The following FAM78B variants were observed in gnomAD, a reference collection of about 807,000 sequenced individuals.
The protein encoded by FAM78B is protein FAM78B.
In FAM78B, 10 loss-of-function variants were observed where a neutral mutation model predicts 20.0. The observed-to-expected ratio is 0.50, with a 90% CI of 0.31 to 0.85. FAM78B has a LOEUF of 0.85. Among genes scored for constraint, FAM78B ranks in the 40% least tolerant of loss-of-function variants. The pLI, the probability that FAM78B is intolerant of heterozygous loss-of-function variation, is 0.05. For synonymous variants in FAM78B, 135 were observed against 132.8 expected, an observed-to-expected ratio of 1.02 and a Z score of -0.12; for missense variants, 283 against 345.0, an observed-to-expected ratio of 0.82 and a Z score of 1.42.
Position 166,138,054 on chromosome 1 carries a change from C to G in FAM78B, c.263+27932G>C, listed in dbSNP as rs73041280. Reference sequence around the variant, plus strand: ...CCCTCCTTCCTGCTCTCACAGTGGGCATCCCACTAGTCAATGAGTATGAAC... The same window carrying G: ...CCCTCCTTCCTGCTCTCACAGTGGGGATCCCACTAGTCAATGAGTATGAAC... On this transcript the variant is annotated intron_variant, in intron 1 of 1. Coordinates refer to ENST00000354422, the MANE Select transcript of FAM78B (RefSeq NM_001017961.5). Among the ~76,000 whole-genome samples the G allele has an allele frequency of 9.0e-3, 1,373 of 152,328 alleles. 17 individuals are homozygous for G. The highest frequency in any genetic ancestry group is 0.032 in the African/African-American group (1,320 of 41,558).
At chr1:166,162,070 G>A (rs1656167235) in intron 1 of FAM78B, among the ~76,000 whole-genome samples, 1 of 152,216 alleles carries the variant, frequency 6.6e-6, no homozygotes. Context: ...GAAGTTAAAA[G>A]ATGGGAGCAG....
In FAM78B at chr1:166,069,309, A is replaced by G. The variant is rs1361742764; in HGVS notation, c.*932T>C. Among the ~76,000 whole-genome samples the G allele has an allele frequency of 6.6e-6, 1 of 152,192 alleles. No individual in the cohort carries two copies. On this transcript the variant is annotated 3_prime_UTR_variant, in exon 2 of 2. Coordinates refer to ENST00000354422, the MANE Select transcript of FAM78B (RefSeq NM_001017961.5). ...GAAACTCAAAAGAAACAGAATGAAA[A>G]TGCTGTTCTTATTTGCTGAAATGTT... is the stretch of plus-strand genomic sequence containing the variant.
Position 166,166,170 on chromosome 1 carries a change from T to C in FAM78B, c.79A>G (p.Ile27Val). 1 of 1,602,374 alleles carries C rather than the reference T, an allele frequency of 6.2e-7. No individual in the cohort carries two copies. The highest frequency in any genetic ancestry group is 1.7e-4 in the Middle Eastern group (1 of 6,046). ...TCGATGCGCGTGGGGCACTGGTCGA[T>C]GGTGGCGCACACATCGTACACCACG... Reference protein sequence around the residue: ...NIVVYDVCATIDQCPTRIEET... With the variant: ...NIVVYDVCATVDQCPTRIEET... Residue 27 changes from isoleucine to valine, a missense_variant, in exon 1 of 2, where the codon ATC becomes GTC. Physicochemically the swap from Ile to Val is conservative, Grantham distance 29. Coordinates refer to ENST00000354422, the MANE Select transcript of FAM78B (RefSeq NM_001017961.5).
In FAM78B at chr1:166,162,975, C is replaced by T. The variant is rs568184929; in HGVS notation, c.263+3011G>A. The stretch of plus-strand genomic sequence containing the variant: ...CCTCTAGAACACCCTGCTTGGCCCG[C>T]CAGCGCTCTCAGGCATTTCTTCCAC... On this transcript the variant is annotated intron_variant, in intron 1 of 1. Transcript: ENST00000354422. 1.8e-4 allele frequency among the ~76,000 whole-genome samples: 27 copies of T among 152,288 alleles called. 1 individual carries two copies. In the South Asian group the frequency reaches 5.6e-3, roughly 32 times the overall value.
chr1:166,143,993 T>C (rs772110017), intron 1 of FAM78B, among the ~76,000 whole-genome samples: 30 of 152,128 alleles, frequency 2.0e-4, no homozygotes, highest in Non-Finnish European at 4.0e-4. Flanking sequence ...TACAAACTGC[T>C]AACACATCTG....
chr1:166,086,734 C>A (rs1232677010), intron 1 of FAM78B, among the ~76,000 whole-genome samples: 3 of 152,104 alleles, frequency 2.0e-5, no homozygotes, highest in Non-Finnish European at 4.4e-5. Context: ...GAGTGTGTAC[C>A]CTGGTGACAG....
chr1:166,094,688 G>A (rs1293672442), intron 1 of FAM78B, among the ~76,000 whole-genome samples: 1 of 152,208 alleles, frequency 6.6e-6, no homozygotes, highest in Non-Finnish European at 1.5e-5. Flanking sequence ...CTATATGGAT[G>A]CTCCCATGAA....
chr1:166,075,843 T>C (rs1022025921), intron 1 of FAM78B, among the ~76,000 whole-genome samples: 5 of 152,220 alleles, frequency 3.3e-5, no homozygotes, highest in African/African-American at 1.2e-4. Context: ...CAAATTTGTA[T>C]CTCTAGGCTG....
intron 2 of FAM78B, among the ~76,000 whole-genome samples, chr1:166,063,478 G>A (rs146548089): frequency 2.6e-5 from 4 of 152,288 alleles, no homozygotes; most frequent in Admixed American, 1.3e-4. Flanking sequence ...AGGCCTGTGC[G>A]TGGCCTGACA....
intron 1 of FAM78B, among the ~76,000 whole-genome samples, chr1:166,119,778 T>C (rs905288653): frequency 2.0e-5 from 3 of 152,210 alleles, no homozygotes; most frequent in Admixed American, 6.5e-5. Flanking sequence ...AGGACGCGTG[T>C]CGTAAGTGGC....
At chr1:166,127,173 T>C (rs1654674747) in intron 1 of FAM78B, among the ~76,000 whole-genome samples, 3 of 152,234 alleles carry the variant, frequency 2.0e-5, no homozygotes, top group Admixed American at 1.3e-4. Flanking sequence ...AAGATTGAAA[T>C]GTATGCATGT....
intron 1 of FAM78B, among the ~76,000 whole-genome samples, chr1:166,076,029 C>T (rs149709155): frequency 1.1e-3 from 175 of 152,296 alleles, no homozygotes; most frequent in African/African-American, 4.1e-3. Context: ...ACCATGACAC[C>T]GGTCCAAGCT....
chr1:166,108,045 T>C (rs1653856104), intron 1 of FAM78B, among the ~76,000 whole-genome samples: 1 of 152,110 alleles, frequency 6.6e-6, no homozygotes, highest in Non-Finnish European at 1.5e-5. Context: ...TAATACTGAA[T>C]AGGGAAAGGT....
At chr1:166,150,212 G>A (rs1383882987) in intron 1 of FAM78B, among the ~76,000 whole-genome samples, 1 of 151,882 alleles carries the variant, frequency 6.6e-6, no homozygotes, top group Non-Finnish European at 1.5e-5. Flanking sequence ...ACAACGTGCT[G>A]GACTCTCTTG....
intron 1 of FAM78B, among the ~76,000 whole-genome samples, chr1:166,151,092 T>C (rs1051337272): frequency 6.6e-6 from 1 of 152,220 alleles, no homozygotes; most frequent in Non-Finnish European, 1.5e-5. Context: ...TTATAGAGGA[T>C]GGCATCAGAG....
chr1:166,149,214 C>T (rs916738165), intron 1 of FAM78B, among the ~76,000 whole-genome samples: 7 of 152,074 alleles, frequency 4.6e-5, no homozygotes, highest in East Asian at 3.8e-4. Flanking sequence ...CCTGAGGAAT[C>T]GCACATGTAC....
At chr1:166,109,832 G>GTATATA (rs1215891381) in intron 1 of FAM78B, among the ~76,000 whole-genome samples, 8 of 28,282 alleles carry the variant, frequency 2.8e-4, no homozygotes, top group African/African-American at 6.1e-4. Context: ...ATATATATAT[G>GTATATA]TATATATGTA....
At chr1:166,118,404 C>T (rs980008518) in intron 1 of FAM78B, among the ~76,000 whole-genome samples, 2 of 152,172 alleles carry the variant, frequency 1.3e-5, no homozygotes, top group African/African-American at 4.8e-5. Context: ...CAGTTAATCA[C>T]ATAGCAAATA....
intron 1 of FAM78B, among the ~76,000 whole-genome samples, chr1:166,148,499 G>C (rs1479812321): frequency 6.6e-6 from 1 of 152,252 alleles, no homozygotes; most frequent in African/African-American, 2.4e-5. Context: ...ATGTGAAACA[G>C]AGATAATGTG....
Sources: gnomAD v4.1 joint callset for allele counts (sites outside exome capture counted in the v4.1 genomes callset) on GRCh38, gnomAD v4.1.1 for gene constraint, MANE v1.5 for transcripts, NCBI Gene and HGNC (gene_info 2026-07-23, HGNC 2026-07-21) for gene names.